MOB3B: variants seen among roughly 807,000 people sequenced by gnomAD.
The protein encoded by MOB3B is MOB kinase activator-like 2B.
Under a neutral mutation model 18.7 loss-of-function variants are expected in MOB3B, and 7 were observed. The observed-to-expected ratio is 0.37, with a 90% CI of 0.21 to 0.70. MOB3B has a LOEUF of 0.70. MOB3B is among the 30% of genes least tolerant of loss of function. The probability of loss-of-function intolerance (pLI) is 0.52; values close to 1 mark genes in which losing one functional copy is unlikely to be tolerated. For missense variants in MOB3B, 253 were observed against 281.3 expected (o/e 0.90, Z 0.72); for synonymous variants, 111 against 99.9 (o/e 1.11, Z -0.66).
chr9:27,455,316 A>G lies in MOB3B; in HGVS notation c.235T>C (p.Cys79Arg). The change falls in exon 2 of 4, where the codon TGT (cysteine) becomes CGT (arginine). Residue 79 changes from cysteine (C) to arginine (R), a missense_variant. Cys to Arg is a radical substitution (Grantham distance 180). Coordinates refer to ENST00000262244, the MANE Select transcript of MOB3B (RefSeq NM_024761.5). ...CAGGTCCGCTCGGTGCAGAACTCAC[A>G]GATGGTGCCATAGATGAGGTTGATC... ...NRINLIYGTI[C>R]EFCTERTCPV... The G allele has an allele frequency of 1.2e-6, 2 of 1,614,130 alleles. No individual in the cohort carries two copies. Among genetic ancestry groups the G allele is most frequent in the Middle Eastern group, 1.6e-4 (1 of 6,062 alleles).
chr9:27,374,356 C>T (rs532653649), intron 2 of MOB3B, among the ~76,000 whole-genome samples: 80 of 152,184 alleles, frequency 5.3e-4, no homozygotes, highest in African/African-American at 1.8e-3. Flanking sequence ...ACCCTCTACC[C>T]CTCAAAAACC....
chr9:27,401,759 G>A (rs1012414423), intron 2 of MOB3B, among the ~76,000 whole-genome samples: 1 of 152,090 alleles, frequency 6.6e-6, no homozygotes, highest in African/African-American at 2.4e-5. Flanking sequence ...GAAAGCAAAA[G>A]AAAAACATAC....
At chr9:27,407,364 T>C (rs1324586855) in intron 2 of MOB3B, among the ~76,000 whole-genome samples, 2 of 152,180 alleles carry the variant, frequency 1.3e-5, no homozygotes, top group Non-Finnish European at 2.9e-5. Context: ...AGAATTATAA[T>C]TATGGGTTTT....
chr9:27,529,263 T>C (rs924234101), intron 1 of MOB3B, among the ~76,000 whole-genome samples: 3 of 130,964 alleles, frequency 2.3e-5, no homozygotes, highest in African/African-American at 4.9e-5. Flanking sequence ...TTATATCTTT[T>C]CAAATCAAGG....
intron 3 of MOB3B, among the ~76,000 whole-genome samples, chr9:27,342,735 C>T (rs1280713744): frequency 1.3e-5 from 2 of 152,124 alleles, no homozygotes; most frequent in South Asian, 2.1e-4. Flanking sequence ...CCCGAGGTGC[C>T]GGGATTGCAG....
intron 2 of MOB3B, among the ~76,000 whole-genome samples, chr9:27,444,351 C>T (rs191860916): frequency 6.3e-4 from 95 of 151,228 alleles, no homozygotes; most frequent in Non-Finnish European, 1.2e-3. Flanking sequence ...AAATACCCCA[C>T]ATCAACCTGC....
At chr9:27,382,406 C>G (rs1186420766) in intron 2 of MOB3B, among the ~76,000 whole-genome samples, 2 of 152,136 alleles carry the variant, frequency 1.3e-5, no homozygotes, top group African/African-American at 4.8e-5. Flanking sequence ...CCTAGTTATT[C>G]CTGGTGCCCT....
rs1820743024 is a variant in MOB3B, at chr9:27,328,536, T to TA, written c.*2050dup. On this transcript the variant is annotated 3_prime_UTR_variant, in exon 4 of 4. Coordinates refer to ENST00000262244, the MANE Select transcript of MOB3B (RefSeq NM_024761.5). ...GTGGAAATTTCATATGCACAGTTAA[T>TA]AAAAAATAACCTTAAAAAGAATGAA... 5 of 152,198 alleles carry TA rather than the reference T, an allele frequency of 3.3e-5. No homozygotes were observed. In the South Asian group the frequency reaches 1.0e-3, roughly 31 times the overall value. The allele number at this position is 152,198 out of a possible 1,614,324, so 9.4% of individuals were successfully genotyped here.
intron 1 of MOB3B, among the ~76,000 whole-genome samples, chr9:27,459,656 C>T (rs145007814): frequency 5.9e-4 from 90 of 152,096 alleles, no homozygotes; most frequent in African/African-American, 2.1e-3. Flanking sequence ...TGAATACAAT[C>T]GCCTTGACAG....
chr9:27,445,963 G>A (rs940082065), intron 2 of MOB3B, among the ~76,000 whole-genome samples: 2 of 152,140 alleles, frequency 1.3e-5, no homozygotes, highest in African/African-American at 2.4e-5. Flanking sequence ...GCTGGATGAT[G>A]TAGAAACATC....
At chr9:27,397,841 G>T (rs1434647826) in intron 2 of MOB3B, among the ~76,000 whole-genome samples, 1 of 152,086 alleles carries the variant, frequency 6.6e-6, no homozygotes, top group Non-Finnish European at 1.5e-5. Context: ...CCACATTTGG[G>T]GCCAAATAAT....
chr9:27,354,217 T>C (rs56829658), intron 3 of MOB3B, among the ~76,000 whole-genome samples: 1 of 152,252 alleles, frequency 6.6e-6, no homozygotes, highest in East Asian at 1.9e-4. Context: ...TCCCAGCTTC[T>C]GAATTCCAAA....
intron 1 of MOB3B, among the ~76,000 whole-genome samples, chr9:27,501,187 G>C (rs1200625774): frequency 6.6e-6 from 1 of 152,218 alleles, no homozygotes; most frequent in Non-Finnish European, 1.5e-5. Flanking sequence ...GTGGAAGACA[G>C]TGTGGTGATT....
intron 1 of MOB3B, among the ~76,000 whole-genome samples, chr9:27,461,459 G>A (rs926927950): frequency 6.6e-6 from 1 of 152,178 alleles, no homozygotes; most frequent in Non-Finnish European, 1.5e-5. Context: ...TCAACTTTGA[G>A]CTGTCATATC....
chr9:27,378,697 A>G (rs747204744), intron 2 of MOB3B: 15 of 470,954 alleles, frequency 3.2e-5, no homozygotes, highest in East Asian at 6.9e-5. Flanking sequence ...AATCCTGTGC[A>G]TCTTTGAGTA....
At chr9:27,388,607 C>T (rs914085267) in intron 2 of MOB3B, among the ~76,000 whole-genome samples, 2 of 152,122 alleles carry the variant, frequency 1.3e-5, no homozygotes, top group African/African-American at 4.8e-5. Flanking sequence ...TTTTATACCT[C>T]GCCACCCCCA....
chr9:27,436,953 C>T (rs376110049), intron 2 of MOB3B, among the ~76,000 whole-genome samples: 5 of 135,010 alleles, frequency 3.7e-5, no homozygotes, highest in Admixed American at 2.7e-4. Context: ...GAACAGAACG[C>T]GCAAAGGCTC....
At chr9:27,522,322 A>G (rs796669926) in intron 1 of MOB3B, among the ~76,000 whole-genome samples, 1 of 149,570 alleles carries the variant, frequency 6.7e-6, no homozygotes, top group African/African-American at 2.4e-5. Flanking sequence ...AACTTAAAAA[A>G]TCCAGGTAAA....
intron 2 of MOB3B, among the ~76,000 whole-genome samples, chr9:27,435,883 G>T (rs1822492952): frequency 6.6e-6 from 1 of 152,156 alleles, no homozygotes; most frequent in Middle Eastern, 3.2e-3. Flanking sequence ...TTAAAGGTGT[G>T]AGCCACCATA....
Sources: allele counts gnomAD v4.1 joint callset (sites outside exome capture counted in the v4.1 genomes callset), GRCh38; gene constraint gnomAD v4.1.1; transcripts MANE v1.5; gene names NCBI Gene and HGNC (gene_info 2026-07-23, HGNC 2026-07-21).